Variants in TANC1 observed in about 807,000 individuals in gnomAD.
TANC1 encodes tetratricopeptide repeat, ankyrin repeat and coiled-coil containing 1.
Under a neutral mutation model 149.7 loss-of-function variants are expected in TANC1, and 77 were observed. The ratio of observed to expected loss-of-function variants is 0.51; its 90% CI spans 0.43 to 0.62. TANC1 has a LOEUF of 0.62. Among genes scored for constraint, TANC1 ranks in the 20% least tolerant of loss-of-function variants. The probability of loss-of-function intolerance (pLI) is 0.00; values close to 1 mark genes in which losing one functional copy is unlikely to be tolerated. For synonymous variants in TANC1, 854 were observed against 925.0 expected (o/e 0.92, Z 1.39); for missense variants, 1,985 against 2,321.8 (o/e 0.85, Z 2.98).
At chr2:159,159,664 C>T (rs1211335213) in intron 7 of TANC1, among the ~76,000 whole-genome samples, 1 of 147,094 alleles carries the variant, frequency 6.8e-6, no homozygotes, top group Non-Finnish European at 1.5e-5. Context: ...TTGGTATTAG[C>T]TATACCACTA....
At chr2:159,224,712 G>A (rs965567992) in intron 23 of TANC1, 2 of 245,978 alleles carry the variant, frequency 8.1e-6, no homozygotes, top group African/African-American at 4.3e-5. Flanking sequence ...AGCGGAGGCT[G>A]AGCCACTGTT....
intron 4 of TANC1, among the ~76,000 whole-genome samples, chr2:159,111,764 A>G (rs1353980352): frequency 6.6e-6 from 1 of 152,196 alleles, no homozygotes; most frequent in Non-Finnish European, 1.5e-5. Context: ...CAACTGCACC[A>G]TGATGCCAGA....
At position 159,230,475 on chromosome 2, in the gene TANC1, T is replaced by G. The variant is rs777818455; in HGVS notation, c.5049T>G (p.Thr1683=). 5.6e-6 allele frequency: 9 copies of G among 1,614,060 alleles called. No individual in the cohort carries two copies. The highest frequency in any genetic ancestry group is 7.6e-6 in the Non-Finnish European group (9 of 1,180,052). ...TGTCAAGTTCAACCAGTAGTTTGAC[T>G]TCGAGCAGCAGTTTTTCAGATGGCT... ...IKMSSSTSSL[T]SSSSFSDGFK... is the part of the protein sequence containing the mutation. The change falls in exon 27 of 27, where the codon ACT becomes ACG. Residue 1683 remains threonine, a synonymous_variant. Coordinates refer to ENST00000263635, the MANE Select transcript of TANC1 (RefSeq NM_033394.3). This position sits in a 1 kb window ranked among gnomAD's most constrained non-coding sequence, Gnocchi z 4.4.
At chr2:159,009,940 C>G (rs934446627) in intron 2 of TANC1, among the ~76,000 whole-genome samples, 2 of 151,176 alleles carry the variant, frequency 1.3e-5, no homozygotes, top group Admixed American at 6.6e-5. Context: ...TAGAAATTGA[C>G]AACATTTCAG....
intron 7 of TANC1, among the ~76,000 whole-genome samples, chr2:159,161,514 G>A (rs937107880): frequency 1.3e-5 from 2 of 152,286 alleles, no homozygotes; most frequent in Admixed American, 1.3e-4. Flanking sequence ...TTATTAACAG[G>A]ATTACCATTA....
chr2:159,073,166 A>G (rs1215731914), intron 3 of TANC1, among the ~76,000 whole-genome samples: 1 of 152,198 alleles, frequency 6.6e-6, no homozygotes, highest in Non-Finnish European at 1.5e-5. Context: ...ATCTCAACAC[A>G]TCCTTTGTGA....
chr2:159,165,344 A>AATGGG (rs1326425480), intron 8 of TANC1, among the ~76,000 whole-genome samples: 5 of 152,176 alleles, frequency 3.3e-5, no homozygotes, highest in Non-Finnish European at 7.3e-5. Flanking sequence ...CCTCCTGTGG[A>AATGGG]ATGGGAGGGT....
rs571931145 is a variant in TANC1 at position 158,990,976 on chromosome 2, G to A, written c.-125-10104G>A. Reference sequence around the variant, plus strand: ...CAGTCCCAGCTAGTGAGGAGGCTGAGGTGGGAGGATTGCTTGAGCCTGGGA... The same window carrying A: ...CAGTCCCAGCTAGTGAGGAGGCTGAAGTGGGAGGATTGCTTGAGCCTGGGA... On this transcript the variant is annotated intron_variant, in intron 1 of 26. Transcript: ENST00000263635. 5.3e-5 allele frequency among the ~76,000 whole-genome samples: 8 copies of A among 151,744 alleles called. No individual in the cohort carries two copies. The East Asian group carries it at 1.4e-3, about 26-fold the overall frequency.
intron 2 of TANC1, among the ~76,000 whole-genome samples, chr2:159,003,452 A>G (rs2036806458): frequency 6.6e-6 from 1 of 152,220 alleles, no homozygotes; most frequent in African/African-American, 2.4e-5. Flanking sequence ...TCAGCCAGAA[A>G]CAGTGCCTGG....
chr2:159,113,649 G>T (rs2047972987), intron 4 of TANC1, among the ~76,000 whole-genome samples: 1 of 152,116 alleles, frequency 6.6e-6, no homozygotes, highest in South Asian at 2.1e-4. Context: ...CCTTTAGTCT[G>T]TTTCTCTCAC....
intron 4 of TANC1, among the ~76,000 whole-genome samples, chr2:159,111,870 A>C (rs996389616): frequency 2.0e-5 from 3 of 152,214 alleles, no homozygotes; most frequent in Non-Finnish European, 4.4e-5. Context: ...TTTGGATGTA[A>C]CACTTGGATA....
At position 159,217,555 on chromosome 2, in the gene TANC1, T is replaced by A; in HGVS notation, c.3303T>A (p.His1101Gln). The change falls in exon 20 of 27, where the codon CAT becomes CAA. Residue 1101 changes from histidine (H) to glutamine (Q), a missense_variant. Transcript: ENST00000263635. The stretch of plus-strand genomic sequence containing the variant: ...AGGTCTGTGAGCTGCTGCTGGGGCA[T>A]GGAGCTGCTGTGTCGCGGACAAACA... ...KLEVCELLLGHGAAVSRTNRR... is the reference protein window; with the variant it reads ...KLEVCELLLGQGAAVSRTNRR... 1 of 1,614,242 alleles carries A rather than the reference T, an allele frequency of 6.2e-7. No homozygotes were observed. Among genetic ancestry groups the A allele is most frequent in the African/African-American group, 1.3e-5 (1 of 75,064 alleles).
At position 158,973,727 on chromosome 2, in the gene TANC1, C is replaced by T. The variant is rs569745246; in HGVS notation, c.-126+4945C>T. Among the ~76,000 whole-genome samples the T allele has an allele frequency of 1.8e-3, 276 of 152,306 alleles. 3 individuals are homozygous for T. The highest frequency in any genetic ancestry group is 6.5e-3 in the African/African-American group (269 of 41,566). On this transcript the variant is annotated intron_variant, in intron 1 of 26. Transcript: ENST00000263635. ...CAAAAGAGCTAGCCAGGGCAGTGTA[C>T]ATTTCCACAAGTGGTACTGCTGATC...
intron 5 of TANC1, among the ~76,000 whole-genome samples, chr2:159,143,432 A>G (rs1366895548): frequency 1.3e-5 from 2 of 151,982 alleles, no homozygotes; most frequent in Non-Finnish European, 2.9e-5. Context: ...GATTGAGTCA[A>G]CAGTGGAACT....
At chr2:159,141,537 T>G (rs1243983891) in intron 5 of TANC1, among the ~76,000 whole-genome samples, 1 of 152,124 alleles carries the variant, frequency 6.6e-6, no homozygotes, top group Non-Finnish European at 1.5e-5. Context: ...TAAGGGACAC[T>G]GGAGGAGCAG....
intron 2 of TANC1, among the ~76,000 whole-genome samples, chr2:159,058,689 T>C (rs1225384976): frequency 6.6e-6 from 1 of 152,226 alleles, no homozygotes; most frequent in Non-Finnish European, 1.5e-5. Flanking sequence ...TATATGAAGA[T>C]GGCTCTTGTA....
intron 1 of TANC1, among the ~76,000 whole-genome samples, chr2:158,994,082 G>A (rs922275299): frequency 2.6e-5 from 4 of 152,116 alleles, no homozygotes; most frequent in African/African-American, 9.7e-5. Context: ...TCCAGGGGGG[G>A]ATTTCTATCT....
chr2:159,003,846 T>G, intron 2 of TANC1: 1 of 1,608,294 alleles, frequency 6.2e-7, no homozygotes. Flanking sequence ...ACCAACAGCA[T>G]GAATCAAGAA....
At chr2:159,097,947 A>C (rs182871521) in intron 4 of TANC1, 113 bp downstream of exon 4, 5 of 886,702 alleles carry the variant, frequency 5.6e-6, no homozygotes, top group Admixed American at 4.9e-5. Context: ...TCTTTGTCGC[A>C]GTATCTTCTA....
Sources: gnomAD v4.1 joint callset for allele counts (sites outside exome capture counted in the v4.1 genomes callset) on GRCh38, gnomAD v4.1.1 for gene constraint, Gnocchi (gnomAD v3.1) non-coding constraint, MANE v1.5 for transcripts, NCBI Gene and HGNC (gene_info 2026-07-23, HGNC 2026-07-21) for gene names.